Variants in KCNQ1 observed in about 807,000 individuals in gnomAD.
KCNQ1 encodes potassium voltage-gated channel subfamily Q member 1.
In KCNQ1, 49 loss-of-function variants were observed where a neutral mutation model predicts 72.4. That is an observed-to-expected ratio of 0.68 (90% CI 0.54 to 0.86). The LOEUF (loss-of-function observed/expected upper bound fraction) is 0.86, where lower values mean the gene tolerates loss of function less well. KCNQ1 is among the 40% of genes least tolerant of loss of function. The pLI, the probability that KCNQ1 is intolerant of heterozygous loss-of-function variation, is 0.00. For synonymous variants in KCNQ1, 450 were observed against 412.6 expected (o/e 1.09, Z -1.10); for missense variants, 790 against 945.1 (o/e 0.84, Z 2.15).
rs9666537 is a variant in KCNQ1 at position 2,664,634 on chromosome 11, T to C, written c.1514+2553T>C. On this transcript the variant is annotated intron_variant, in intron 11 of 15. Transcript: ENST00000155840. The surrounding 1 kb of genome is among the most constrained non-coding windows in gnomAD (Gnocchi z 5.1). ...CCGCCCAGTGATGCCCATAATTAAA[T>C]TCGGCTCCAGCTGCTCAGGGATGCA... 0.73 allele frequency: 292,739 copies of C among 398,470 alleles called. 108,324 individuals are homozygous for C. Among genetic ancestry groups the C allele is most frequent in the East Asian group, 0.91 (25,653 of 28,038 alleles). 24.7% of individuals were successfully genotyped at this position (398,470 alleles called of 1,614,324 possible).
chr11:2,675,283 A>G (rs1257200461), intron 11 of KCNQ1: 1 of 398,512 alleles, frequency 2.5e-6, no homozygotes, highest in East Asian at 3.6e-5. Flanking sequence ...ACCTCTCCCA[A>G]AAGCAGAGTT....
In KCNQ1 at chr11:2,746,392, G is replaced by A. The variant is rs1846138932; in HGVS notation, c.1515-22452G>A. On this transcript the variant is annotated intron_variant, in intron 11 of 15. Transcript: ENST00000155840. This position sits in a 1 kb window ranked among gnomAD's most constrained non-coding sequence, Gnocchi z 5.9. ...GTTAACTGAGTCCATGCTTGATGCAGATTTCCTCAGTTTCCCTACTGTCTT... is the reference window on the plus strand; with the variant it reads ...GTTAACTGAGTCCATGCTTGATGCAAATTTCCTCAGTTTCCCTACTGTCTT... Among the ~76,000 whole-genome samples, 1 of 152,188 alleles carries A rather than the reference G, an allele frequency of 6.6e-6. No homozygotes were observed.
intron 2 of KCNQ1, among the ~76,000 whole-genome samples, chr11:2,560,845 A>G (rs1412819297): frequency 6.6e-6 from 1 of 152,070 alleles, no homozygotes; most frequent in East Asian, 1.9e-4. Context: ...GGAGGAAAGG[A>G]GGGATCCCAG....
rs1425313213 is a variant in KCNQ1 at position 2,848,265 on chromosome 11, T to C, written c.*262T>C. The C allele has an allele frequency of 7.7e-6, 5 of 645,624 alleles. No individual in the cohort carries two copies. In the African/African-American group the frequency reaches 9.0e-5, roughly 12 times the overall value. The allele number at this position is 645,624 out of a possible 1,614,324, so 40.0% of individuals were successfully genotyped here. On this transcript the variant is annotated 3_prime_UTR_variant, in exon 16 of 16. Transcript: ENST00000155840. ...AAGCGCCCTGGCCCCCACATGGTGATGTTGACATCACTGGCATGGTGGTTG... is the reference window on the plus strand; with the variant it reads ...AAGCGCCCTGGCCCCCACATGGTGACGTTGACATCACTGGCATGGTGGTTG...
In KCNQ1 at chr11:2,611,947, C is replaced by G. The variant is rs953632662; in HGVS notation, c.1393+23093C>G. 9 of 398,474 alleles carry G rather than the reference C, an allele frequency of 2.3e-5. No homozygotes were observed. Among genetic ancestry groups the G allele is most frequent in the Non-Finnish European group, 3.1e-5 (7 of 226,072 alleles). The allele number at this position is 398,474 out of a possible 1,614,324, so 24.7% of individuals were successfully genotyped here. A position where few individuals can be genotyped will look rare whatever the true frequency, so the allele number is the denominator to read the frequency against. On this transcript the variant is annotated intron_variant, in intron 10 of 15. Transcript: ENST00000155840. This position sits in a 1 kb window ranked among gnomAD's most constrained non-coding sequence, Gnocchi z 5.3. ...ATCTGCTTCAGGTTAATAATCTACTCAAATATTTTTGTCTGCCCTATTCTC... is the reference window on the plus strand; with the variant it reads ...ATCTGCTTCAGGTTAATAATCTACTGAAATATTTTTGTCTGCCCTATTCTC...
intron 11 of KCNQ1, among the ~76,000 whole-genome samples, chr11:2,737,760 C>T (rs1310791131): frequency 6.6e-6 from 1 of 152,166 alleles, no homozygotes; most frequent in East Asian, 1.9e-4. Flanking sequence ...ATGTCCACCT[C>T]GCTGCCAGGG....
At position 2,752,246 on chromosome 11, in the gene KCNQ1, C is replaced by G. The variant is rs1564881560; in HGVS notation, c.1515-16598C>G. 6.6e-6 allele frequency among the ~76,000 whole-genome samples: 1 copy of G among 151,418 alleles called. No homozygotes were observed. Among genetic ancestry groups the G allele is most frequent in the Admixed American group, 6.6e-5 (1 of 15,258 alleles). ...ATTTTAGCTTCACAGGTGATCTGAA[C>G]CCAGCTGAGTGGCTTCCATGGAGCT... On this transcript the variant is annotated intron_variant, in intron 11 of 15. Coordinates refer to ENST00000155840, the MANE Select transcript of KCNQ1 (RefSeq NM_000218.3). This position sits in a 1 kb window ranked among gnomAD's most constrained non-coding sequence, Gnocchi z 5.2.
intron 6 of KCNQ1, among the ~76,000 whole-genome samples, chr11:2,582,730 GAAC>G (rs1848519465): frequency 1.3e-5 from 2 of 152,186 alleles, no homozygotes; most frequent in Admixed American, 1.3e-4. Flanking sequence ...AGCTCCTGAA[GAAC>G]CCAGCAGGCA....
At chr11:2,838,030 G>T (rs113023693) in intron 15 of KCNQ1, among the ~76,000 whole-genome samples, 1 of 152,238 alleles carries the variant, frequency 6.6e-6, no homozygotes, top group Non-Finnish European at 1.5e-5. Context: ...AAAAATGGTG[G>T]CAACGTGGGA....
At chr11:2,640,643 A>G (rs1291768228) in intron 10 of KCNQ1, 1 of 398,074 alleles carries the variant, frequency 2.5e-6, no homozygotes, top group East Asian at 3.6e-5. Context: ...TGTAATGATC[A>G]AGTCAGGGTA....
At position 2,723,957 on chromosome 11, in the gene KCNQ1, A is replaced by G. The variant is rs1021030841; in HGVS notation, c.1515-44887A>G. The stretch of plus-strand genomic sequence containing the variant: ...GCCTTTGTATCTGCCGTGGGCGTGG[A>G]GGCATTTACTCTTTTCACCGGGGGA... On this transcript the variant is annotated intron_variant, in intron 11 of 15. Transcript: ENST00000155840. The surrounding 1 kb of genome is among the most constrained non-coding windows in gnomAD (Gnocchi z 4.2). Among the ~76,000 whole-genome samples, 6 of 152,076 alleles carry G rather than the reference A, an allele frequency of 3.9e-5. No homozygotes were observed. Among genetic ancestry groups the G allele is most frequent in the Admixed American group, 3.9e-4 (6 of 15,274 alleles).
chr11:2,631,105 T>C, intron 10 of KCNQ1: 1 of 398,566 alleles, frequency 2.5e-6, no homozygotes, highest in East Asian at 3.6e-5. Flanking sequence ...TTCATGTACC[T>C]AGATGTCCAT....
Position 2,691,186 on chromosome 11 carries a change from C to G in KCNQ1, c.1514+29105C>G. Reference sequence around the variant, plus strand: ...ACAGCCTTGGGAGGGGTGCTCAGAGCTCAGCTGTGTTTAAAAATTAGCAAG... The same window carrying G: ...ACAGCCTTGGGAGGGGTGCTCAGAGGTCAGCTGTGTTTAAAAATTAGCAAG... On this transcript the variant is annotated intron_variant, in intron 11 of 15. Coordinates refer to ENST00000155840, the MANE Select transcript of KCNQ1 (RefSeq NM_000218.3). The surrounding 1 kb of genome is among the most constrained non-coding windows in gnomAD (Gnocchi z 6.4). 5.0e-6 allele frequency: 2 copies of G among 398,670 alleles called. No homozygotes were observed. The highest frequency in any genetic ancestry group is 4.4e-6 in the Non-Finnish European group (1 of 226,112). 24.7% of individuals were successfully genotyped at this position (398,670 alleles called of 1,614,324 possible).
At chr11:2,701,100 G>C (rs776203818) in intron 11 of KCNQ1, among the ~76,000 whole-genome samples, 20 of 152,182 alleles carry the variant, frequency 1.3e-4, no homozygotes, top group African/African-American at 4.6e-4. Flanking sequence ...AGCCAGCCAA[G>C]CGAGCCAGCC....
chr11:2,632,919 C>T (rs1300308268), intron 10 of KCNQ1: 2 of 398,262 alleles, frequency 5.0e-6, no homozygotes, highest in African/African-American at 2.1e-5. Flanking sequence ...ATTTCCTTTC[C>T]TTTGAGTCAA....
At chr11:2,793,681 G>A (rs543143923) in intron 15 of KCNQ1, among the ~76,000 whole-genome samples, 9 of 152,124 alleles carry the variant, frequency 5.9e-5, no homozygotes, top group Admixed American at 2.6e-4. Context: ...GAGGGATGGA[G>A]GGACCAGAAG....
intron 11 of KCNQ1, chr11:2,667,356 G>A (rs934342634): frequency 2.5e-5 from 10 of 398,646 alleles, no homozygotes; most frequent in African/African-American, 1.6e-4. Context: ...CTCTGCAAGG[G>A]AAAGGCCATC....
intron 15 of KCNQ1, among the ~76,000 whole-genome samples, chr11:2,839,290 T>C (rs1336150650): frequency 6.7e-6 from 1 of 150,336 alleles, no homozygotes; most frequent in African/African-American, 2.5e-5. Context: ...ACCCAGGGAG[T>C]GTTGTGCCAC....
chr11:2,583,293 G>A (rs144653098), intron 6 of KCNQ1, 142 bp from the exon 7 acceptor site: 31 of 721,550 alleles, frequency 4.3e-5, no homozygotes, highest in African/African-American at 4.0e-4. Context: ...TGGTGCTTTC[G>A]CCGAGTCACA....
Sources: allele counts gnomAD v4.1 joint callset (sites outside exome capture counted in the v4.1 genomes callset), GRCh38; gene constraint gnomAD v4.1.1; non-coding constraint Gnocchi (gnomAD v3.1); transcripts MANE v1.5; gene names NCBI Gene and HGNC (gene_info 2026-07-23, HGNC 2026-07-21).